Variants in CNTN6 observed in about 807,000 individuals in gnomAD.
CNTN6 encodes the protein contactin-6.
Under a neutral mutation model 122.8 loss-of-function variants are expected in CNTN6, and 137 were observed. The observed-to-expected ratio is 1.12, with a 90% CI of 0.97 to 1.29. The LOEUF is 1.29. Ranked by LOEUF, CNTN6 falls within the 50% of genes most tolerant of loss-of-function variation. CNTN6 has a pLI of 0.00. For missense variants in CNTN6, 1,634 were observed against 1,223.4 expected, an observed-to-expected ratio of 1.34 and a Z score of -5.01; for synonymous variants, 570 against 426.0, an observed-to-expected ratio of 1.34 and a Z score of -4.16.
intron 7 of CNTN6, among the ~76,000 whole-genome samples, chr3:1,301,315 G>A (rs1362900142): frequency 1.3e-5 from 2 of 152,036 alleles, no homozygotes; most frequent in Admixed American, 1.3e-4. Flanking sequence ...TATTACAAGC[G>A]TGAGCCACTG....
rs946333733 is a variant in CNTN6 at position 1,366,468 on chromosome 3, G to T, written c.1493-5831G>T. On this transcript the variant is annotated intron_variant, in intron 12 of 22. Transcript: ENST00000446702. ...CTCTTAGGAAGTGAGTAGAATATAG[G>T]ATCTGAGTGGTTTGAAGAAATCTCT... Among the ~76,000 whole-genome samples, 9 of 152,238 alleles carry T rather than the reference G, an allele frequency of 5.9e-5. No individual in the cohort carries two copies. The East Asian group carries it at 1.7e-3, about 29-fold the overall frequency.
In CNTN6 at chr3:1,287,765, G is replaced by A. The variant is rs144095885; in HGVS notation, c.455-7836G>A. 3.3e-3 allele frequency among the ~76,000 whole-genome samples: 495 copies of A among 152,168 alleles called. 5 individuals carry two copies. Among genetic ancestry groups the A allele is most frequent in the African/African-American group, 0.011 (468 of 41,488 alleles). Reference sequence around the variant, plus strand: ...GGTGCTAAAAGACACTCCCACCAGCGCCATGACAGTTTACAAATGCCATGG... The same window carrying A: ...GGTGCTAAAAGACACTCCCACCAGCACCATGACAGTTTACAAATGCCATGG... On this transcript the variant is annotated intron_variant, in intron 5 of 22. Coordinates refer to ENST00000446702, the MANE Select transcript of CNTN6 (RefSeq NM_001289080.2).
chr3:1,296,331 C>G (rs1012609027), intron 6 of CNTN6, among the ~76,000 whole-genome samples: 3 of 151,996 alleles, frequency 2.0e-5, no homozygotes, highest in Non-Finnish European at 4.4e-5. Context: ...GAATGAAACA[C>G]AAGATTTATA....
chr3:1,367,712 G>C (rs1286075264), intron 12 of CNTN6, among the ~76,000 whole-genome samples: 3 of 152,118 alleles, frequency 2.0e-5, no homozygotes, highest in Non-Finnish European at 4.4e-5. Context: ...GTGGTGTGCA[G>C]GTGTGCACAT....
At chr3:1,359,793 C>T (rs1021654069) in intron 12 of CNTN6, among the ~76,000 whole-genome samples, 2 of 152,084 alleles carry the variant, frequency 1.3e-5, no homozygotes, top group East Asian at 3.9e-4. Context: ...ATGAAGACCC[C>T]ATCACACCGA....
At chr3:1,337,849 T>G (rs906391834) in intron 11 of CNTN6, among the ~76,000 whole-genome samples, 18 of 152,162 alleles carry the variant, frequency 1.2e-4, no homozygotes, top group African/African-American at 4.3e-4. Context: ...GCTAAAATCC[T>G]GTGTGTGCCC....
intron 11 of CNTN6, among the ~76,000 whole-genome samples, chr3:1,341,270 T>C (rs1575775421): frequency 1.3e-5 from 2 of 151,740 alleles, no homozygotes; most frequent in South Asian, 2.1e-4. Flanking sequence ...TCTAGTCTTT[T>C]CTTTTGATTT....
At chr3:1,261,249 A>C (rs1300986671) in intron 4 of CNTN6, among the ~76,000 whole-genome samples, 1 of 152,204 alleles carries the variant, frequency 6.6e-6, no homozygotes, top group South Asian at 2.1e-4. Flanking sequence ...TGGCGAAGAC[A>C]TGGACTATGT....
At chr3:1,383,545 T>G in intron 19 of CNTN6, 137 bp downstream of exon 19, 1 of 669,400 alleles carries the variant, frequency 1.5e-6, no homozygotes. Context: ...GAGAATGAAG[T>G]TGAGACAGGG....
Position 1,354,263 on chromosome 3 carries a change from TAA to T in CNTN6, c.1492+1813_1492+1814del, listed in dbSNP as rs376565672. The stretch of plus-strand genomic sequence containing the variant: ...AGGTTCCTAGTACTTATGATAGAAA[TAA>T]GTTTATCTACACTTTCAAGTATTCC... On this transcript the variant is annotated intron_variant, in intron 12 of 22. Transcript: ENST00000446702. Among the ~76,000 whole-genome samples the T allele has an allele frequency of 3.3e-3, 495 of 150,900 alleles. 2 individuals carry two copies. The highest frequency in any genetic ancestry group is 0.011 in the African/African-American group (461 of 41,258).
At chr3:1,202,906 T>C (rs1475055104) in intron 2 of CNTN6, among the ~76,000 whole-genome samples, 1 of 152,252 alleles carries the variant, frequency 6.6e-6, no homozygotes, top group African/African-American at 2.4e-5. Flanking sequence ...CACGGGCTGC[T>C]ATTTCATTTT....
intron 5 of CNTN6, among the ~76,000 whole-genome samples, chr3:1,286,731 T>C (rs1399989941): frequency 2.0e-5 from 3 of 152,100 alleles, no homozygotes; most frequent in Non-Finnish European, 4.4e-5. Flanking sequence ...AGACACAGAC[T>C]GGCAAATTGG....
At chr3:1,245,225 T>TACACAC (rs1308618434) in intron 4 of CNTN6, among the ~76,000 whole-genome samples, 4 of 17,244 alleles carry the variant, frequency 2.3e-4, no homozygotes, top group African/African-American at 8.8e-4. Flanking sequence ...TATATATATA[T>TACACAC]ATATATATAT....
At chr3:1,283,873 G>A (rs191607253) in intron 5 of CNTN6, among the ~76,000 whole-genome samples, 8 of 152,030 alleles carry the variant, frequency 5.3e-5, no homozygotes, top group South Asian at 2.1e-4. Flanking sequence ...GGTGGCAGGC[G>A]CCTGTAATCC....
intron 5 of CNTN6, among the ~76,000 whole-genome samples, chr3:1,280,227 T>A (rs546344145): frequency 6.6e-6 from 1 of 152,208 alleles, no homozygotes; most frequent in East Asian, 1.9e-4. Flanking sequence ...GTAAAAAAAT[T>A]TAAAAAATTA....
intron 2 of CNTN6, among the ~76,000 whole-genome samples, chr3:1,153,613 C>T (rs778548220): frequency 6.6e-6 from 1 of 152,158 alleles, no homozygotes; most frequent in African/African-American, 2.4e-5. Flanking sequence ...GAAACTGTCA[C>T]TCTTTCTAAA....
rs1291620245 is a variant in CNTN6, at chr3:1,220,673, T to G, written c.56-14T>G. 6.3e-7 allele frequency: 1 copy of G among 1,596,040 alleles called. No individual in the cohort carries two copies. Among genetic ancestry groups the G allele is most frequent in the East Asian group, 2.2e-5 (1 of 44,706 alleles). ...CACTTTTTTTTCATGTGATTTATTCTTTTCTTTTCCCAGGTGATGGTCTTT... is the reference window on the plus strand; with the variant it reads ...CACTTTTTTTTCATGTGATTTATTCGTTTCTTTTCCCAGGTGATGGTCTTT... On this transcript the variant is annotated splice_polypyrimidine_tract_variant and intron_variant, in intron 2 of 22. Coordinates refer to ENST00000446702, the MANE Select transcript of CNTN6 (RefSeq NM_001289080.2).
At chr3:1,350,983 C>G (rs568580608) in intron 11 of CNTN6, among the ~76,000 whole-genome samples, 1 of 151,802 alleles carries the variant, frequency 6.6e-6, no homozygotes, top group East Asian at 1.9e-4. Context: ...ATCTAGTACA[C>G]TAGACATCTC....
intron 7 of CNTN6, among the ~76,000 whole-genome samples, chr3:1,312,371 A>G (rs1278571510): frequency 6.6e-6 from 1 of 151,976 alleles, no homozygotes; most frequent in Non-Finnish European, 1.5e-5. Context: ...CATCCTTTCC[A>G]TCCCAGTCTA....
Sources: allele counts gnomAD v4.1 joint callset (sites outside exome capture counted in the v4.1 genomes callset), GRCh38; gene constraint gnomAD v4.1.1; transcripts MANE v1.5; gene names NCBI Gene and HGNC (gene_info 2026-07-23, HGNC 2026-07-21).